The following NTM variants were observed in gnomAD, a reference collection of about 807,000 sequenced individuals.
The protein encoded by NTM is neurotrimin, also known as IgLON family member 2.
A neutral mutation model predicts 42.1 loss-of-function variants in NTM; 13 were observed. That is an observed-to-expected ratio of 0.31 (90% CI 0.20 to 0.49). NTM has a LOEUF of 0.49. Among genes scored for constraint, NTM ranks in the 20% least tolerant of loss-of-function variants. NTM has a pLI of 0.99. For synonymous variants in NTM, 187 were observed against 179.2 expected, an observed-to-expected ratio of 1.04 and a Z score of -0.35; for missense variants, 373 against 452.8, an observed-to-expected ratio of 0.82 and a Z score of 1.60.
intron 1 of NTM, among the ~76,000 whole-genome samples, chr11:131,886,286 C>T (rs1038400405): frequency 6.6e-6 from 1 of 152,210 alleles, no homozygotes; most frequent in African/African-American, 2.4e-5. Flanking sequence ...ACCAAGCCCC[C>T]ACACTCCCAC....
intron 1 of NTM, among the ~76,000 whole-genome samples, chr11:131,462,038 G>A (rs1429966272): frequency 6.7e-6 from 1 of 150,162 alleles, no homozygotes; most frequent in Non-Finnish European, 1.5e-5. Flanking sequence ...CTCTCAACTA[G>A]TGAGTGGGTA....
At chr11:131,933,031 C>T (rs2058806706) in intron 2 of NTM, among the ~76,000 whole-genome samples, 1 of 152,238 alleles carries the variant, frequency 6.6e-6, no homozygotes, top group Admixed American at 6.5e-5. Context: ...GAAATGTCAG[C>T]TTTTCTCTCA....
intron 4 of NTM, among the ~76,000 whole-genome samples, chr11:132,266,136 G>A (rs2093168797): frequency 6.6e-6 from 1 of 152,188 alleles, no homozygotes; most frequent in South Asian, 2.1e-4. Flanking sequence ...TCTATGGGAT[G>A]GCTCAGGAGA....
At chr11:132,190,402 G>T (rs923948451) in intron 3 of NTM, among the ~76,000 whole-genome samples, 1 of 152,112 alleles carries the variant, frequency 6.6e-6, no homozygotes, top group Non-Finnish European at 1.5e-5. Flanking sequence ...GGAGAGGAAA[G>T]AAACTATAAA....
At chr11:132,041,395 A>G (rs1226199352) in intron 2 of NTM, among the ~76,000 whole-genome samples, 5 of 152,186 alleles carry the variant, frequency 3.3e-5, no homozygotes, top group Non-Finnish European at 5.9e-5. Flanking sequence ...GAAGTGAAGA[A>G]TGTTTATGAG....
chr11:132,040,306 G>A (rs952735411), intron 2 of NTM, among the ~76,000 whole-genome samples: 1 of 152,114 alleles, frequency 6.6e-6, no homozygotes, highest in Non-Finnish European at 1.5e-5. Context: ...TTACTAGTCT[G>A]GGAAATGGGC....
intron 1 of NTM, chr11:131,911,159 T>A (rs2054849492): frequency 7.7e-7 from 1 of 1,303,098 alleles, no homozygotes; most frequent in South Asian, 1.7e-5. Flanking sequence ...AAGCGGCTCC[T>A]GAGACGCGCC....
chr11:131,550,313 G>T (rs2054498649), intron 1 of NTM, among the ~76,000 whole-genome samples: 1 of 152,120 alleles, frequency 6.6e-6, no homozygotes, highest in African/African-American at 2.4e-5. Context: ...GAGTGTGGTG[G>T]CATGCACCTG....
intron 1 of NTM, among the ~76,000 whole-genome samples, chr11:131,497,215 G>A (rs1177201213): frequency 6.6e-6 from 1 of 152,082 alleles, no homozygotes; most frequent in East Asian, 1.9e-4. Flanking sequence ...TCAAGACCGA[G>A]TCTTGCTCTG....
At chr11:131,953,768 G>T (rs1473256366) in intron 2 of NTM, among the ~76,000 whole-genome samples, 7 of 152,144 alleles carry the variant, frequency 4.6e-5, no homozygotes, top group Admixed American at 3.3e-4. Flanking sequence ...AGGGAAAAAA[G>T]AAATTGTTGG....
rs556508293 is a variant in NTM, at chr11:131,751,652, C to T, written c.83-159912C>T. Among the ~76,000 whole-genome samples, 588 of 151,838 alleles carry T rather than the reference C, an allele frequency of 3.9e-3. 6 individuals are homozygous for T. The highest frequency in any genetic ancestry group is 0.013 in the African/African-American group (538 of 41,400). On this transcript the variant is annotated intron_variant, in intron 1 of 8. Coordinates refer to ENST00000683400, the MANE Select transcript of NTM (RefSeq NM_001352005.2). ...GCATGTGCCAGTAGTCCTAGCTACT[C>T]GAGAGGCTGAGGCAGGAAAATCGCT...
chr11:131,893,175 T>C (rs2051656872), intron 1 of NTM, among the ~76,000 whole-genome samples: 1 of 152,206 alleles, frequency 6.6e-6, no homozygotes, highest in Non-Finnish European at 1.5e-5. Flanking sequence ...TGCACTAGTG[T>C]ATCAATTATT....
intron 2 of NTM, among the ~76,000 whole-genome samples, chr11:132,107,131 C>A (rs1279280826): frequency 6.6e-6 from 1 of 152,064 alleles, no homozygotes; most frequent in Non-Finnish European, 1.5e-5. Context: ...GAGACCCGTT[C>A]TCATGGATGT....
chr11:131,470,426 C>T (rs1482893778), intron 1 of NTM, among the ~76,000 whole-genome samples: 1 of 152,244 alleles, frequency 6.6e-6, no homozygotes, highest in Non-Finnish European at 1.5e-5. Flanking sequence ...TCATTTTTCT[C>T]TAAACACCAA....
intron 1 of NTM, among the ~76,000 whole-genome samples, chr11:131,754,922 G>T (rs1225593550): frequency 6.6e-6 from 1 of 152,150 alleles, no homozygotes; most frequent in Non-Finnish European, 1.5e-5. Context: ...AGAGGAAAAG[G>T]CCAGATCCAG....
chr11:131,506,219 G>A (rs2136416182), intron 1 of NTM, among the ~76,000 whole-genome samples: 1 of 152,250 alleles, frequency 6.6e-6, no homozygotes, highest in South Asian at 2.1e-4. Context: ...GGAACTCCAG[G>A]CCCTTTCCGT....
At chr11:132,019,897 G>A (rs2074061276) in intron 2 of NTM, among the ~76,000 whole-genome samples, 1 of 151,594 alleles carries the variant, frequency 6.6e-6, no homozygotes, top group Admixed American at 6.6e-5. Context: ...GTTACAAAGG[G>A]ATCTTGCCTG....
At chr11:131,851,543 GT>G (rs2045555513) in intron 1 of NTM, among the ~76,000 whole-genome samples, 6 of 151,646 alleles carry the variant, frequency 4.0e-5, no homozygotes, top group Admixed American at 2.0e-4. Flanking sequence ...GTGTGTGTGT[GT>G]GTGTGTGTGT....
At chr11:132,253,018 G>A (rs575034817) in intron 4 of NTM, among the ~76,000 whole-genome samples, 1 of 152,188 alleles carries the variant, frequency 6.6e-6, no homozygotes, top group Non-Finnish European at 1.5e-5. Flanking sequence ...AGGATACTTA[G>A]AAGAAAATGT....
Sources: gnomAD v4.1 joint callset for allele counts (sites outside exome capture counted in the v4.1 genomes callset) on GRCh38, gnomAD v4.1.1 for gene constraint, MANE v1.5 for transcripts, NCBI Gene and HGNC (gene_info 2026-07-23, HGNC 2026-07-21) for gene names.